The following GSK3B variants were observed in gnomAD, a reference collection of about 807,000 sequenced individuals.
The protein encoded by GSK3B is glycogen synthase kinase-3 beta.
In GSK3B, 15 loss-of-function variants were observed where a neutral mutation model predicts 56.4. The observed-to-expected ratio is 0.27, with a 90% confidence interval of 0.18 to 0.41. The LOEUF (loss-of-function observed/expected upper bound fraction) is 0.41. Ranked by LOEUF, GSK3B falls within the 10% of genes least tolerant of loss-of-function variation. The pLI is 1.00. For missense variants in GSK3B, 300 were observed against 513.4 expected (o/e 0.58, Z 4.02); for synonymous variants, 181 against 188.9 (o/e 0.96, Z 0.34).
At chr3:119,937,191 C>A (rs2057004183) in intron 3 of GSK3B, among the ~76,000 whole-genome samples, 1 of 152,042 alleles carries the variant, frequency 6.6e-6, no homozygotes, top group Non-Finnish European at 1.5e-5. Flanking sequence ...GACTGTTTGT[C>A]CCCCTAAACC....
chr3:119,970,128 T>A (rs1052763541), intron 2 of GSK3B, among the ~76,000 whole-genome samples: 3 of 152,220 alleles, frequency 2.0e-5, no homozygotes, highest in African/African-American at 7.2e-5. Context: ...CTGTGTTGAT[T>A]TATAAACTTT....
At chr3:119,936,661 G>C (rs2056998052) in intron 3 of GSK3B, among the ~76,000 whole-genome samples, 1 of 151,600 alleles carries the variant, frequency 6.6e-6, no homozygotes, top group African/African-American at 2.4e-5. Context: ...GGTATCGTAT[G>C]TTGATTAAAA....
In GSK3B at chr3:119,912,704, C is replaced by A; in HGVS notation, c.715G>T (p.Asp239Tyr). ...FGATDYTSSI[D>Y]VWSAGCVLAE... ...GCATTATATTCAGATTTGTACTTAC[C>A]TATACTAGAGGTATAATCAGTGGCT... Residue 239 changes from aspartate (D) to tyrosine (Y), a missense_variant and splice_region_variant, in exon 6 of 11, where the codon GAT becomes TAT. This residue lies in a region of GSK3B where 39 missense variants were observed against 154.6 expected (regional missense o/e 0.25). Transcript: ENST00000264235. 1 of 1,337,068 alleles carries A rather than the reference C, an allele frequency of 7.5e-7. No individual in the cohort carries two copies. The highest frequency in any genetic ancestry group is 2.3e-5 in the East Asian group (1 of 43,534). 82.8% of individuals were successfully genotyped at this position (1,337,068 alleles called of 1,614,324 possible).
At chr3:119,972,626 G>A (rs1353875019) in intron 2 of GSK3B, among the ~76,000 whole-genome samples, 1 of 151,888 alleles carries the variant, frequency 6.6e-6, no homozygotes, top group African/African-American at 2.4e-5. Flanking sequence ...TAGTAGAGAT[G>A]GGGTTTCACC....
At chr3:119,993,033 GAA>G (rs199737858) in intron 2 of GSK3B, among the ~76,000 whole-genome samples, 7 of 119,366 alleles carry the variant, frequency 5.9e-5, no homozygotes, top group Admixed American at 3.3e-4. Context: ...TAAAAAGGAT[GAA>G]AAAAAAAAAA....
Position 119,948,266 on chromosome 3 carries a change from C to T in GSK3B, c.283-915G>A, listed in dbSNP as rs910473371. ...AGAATCTGGAAAGGAAATGGTGTTACGGTCAGAAAAGAGGCCAAGAAGGAT... is the reference window on the plus strand; with the variant it reads ...AGAATCTGGAAAGGAAATGGTGTTATGGTCAGAAAAGAGGCCAAGAAGGAT... On this transcript the variant is annotated intron_variant, in intron 2 of 10. Coordinates refer to ENST00000264235, the MANE Select transcript of GSK3B (RefSeq NM_001146156.2). Among the ~76,000 whole-genome samples, 4 of 152,090 alleles carry T rather than the reference C, an allele frequency of 2.6e-5. No individual in the cohort carries two copies. In the East Asian group the frequency reaches 5.8e-4, roughly 22 times the overall value.
intron 3 of GSK3B, among the ~76,000 whole-genome samples, chr3:119,940,838 T>C (rs1473060639): frequency 6.6e-6 from 1 of 152,144 alleles, no homozygotes; most frequent in Non-Finnish European, 1.5e-5. Context: ...TAAATCACTC[T>C]ATGGGCAGGT....
chr3:120,037,153 A>C (rs2058030086), intron 1 of GSK3B, among the ~76,000 whole-genome samples: 1 of 152,214 alleles, frequency 6.6e-6, no homozygotes, highest in South Asian at 2.1e-4. Context: ...AAACAAACAA[A>C]AAAATTGCTT....
At position 119,934,821 on chromosome 3, in the gene GSK3B, T is replaced by C. The variant is rs554615996; in HGVS notation, c.367-11338A>G. 1.9e-3 allele frequency among the ~76,000 whole-genome samples: 285 copies of C among 152,258 alleles called. 2 individuals are homozygous for C. The highest frequency in any genetic ancestry group is 0.013 in the South Asian group (65 of 4,830). On this transcript the variant is annotated intron_variant, in intron 3 of 10. Coordinates refer to ENST00000264235, the MANE Select transcript of GSK3B (RefSeq NM_001146156.2). ...TACATATAATATATGTGCTCATACA[T>C]GCATATAAGAAATTTATATCTGTTA...
intron 10 of GSK3B, among the ~76,000 whole-genome samples, chr3:119,836,867 C>G (rs1259672489): frequency 6.6e-6 from 1 of 152,126 alleles, no homozygotes; most frequent in Non-Finnish European, 1.5e-5. Context: ...TCTGCCTTGT[C>G]CTCTTTGATA....
chr3:119,941,970 T>C (rs1161116213), intron 3 of GSK3B, among the ~76,000 whole-genome samples: 1 of 152,204 alleles, frequency 6.6e-6, no homozygotes, highest in East Asian at 1.9e-4. Flanking sequence ...CCAGAGCTAG[T>C]GGTAGACCAG....
intron 1 of GSK3B, among the ~76,000 whole-genome samples, chr3:120,002,675 T>C (rs1442981135): frequency 6.6e-6 from 1 of 152,236 alleles, no homozygotes; most frequent in African/African-American, 2.4e-5. Flanking sequence ...TTATTTTTAG[T>C]TTATTACATG....
intron 1 of GSK3B, among the ~76,000 whole-genome samples, chr3:120,079,969 A>T (rs2058404134): frequency 6.6e-6 from 1 of 152,202 alleles, no homozygotes; most frequent in Admixed American, 6.5e-5. Context: ...TCAAAACCAA[A>T]TACAGAAAGT....
intron 2 of GSK3B, among the ~76,000 whole-genome samples, chr3:119,998,046 C>T (rs1408022001): frequency 6.7e-6 from 1 of 150,132 alleles, no homozygotes; most frequent in East Asian, 1.9e-4. Flanking sequence ...TATACCAAAG[C>T]CCAAATCAAC....
At chr3:120,091,806 T>C (rs2058515019) in intron 1 of GSK3B, among the ~76,000 whole-genome samples, 2 of 151,762 alleles carry the variant, frequency 1.3e-5, no homozygotes, top group Non-Finnish European at 2.9e-5. Flanking sequence ...CCGGGCATTC[T>C]CTACTTGCAA....
At chr3:120,009,140 T>A (rs2107495087) in intron 1 of GSK3B, among the ~76,000 whole-genome samples, 1 of 152,280 alleles carries the variant, frequency 6.6e-6, no homozygotes, top group South Asian at 2.1e-4. Context: ...TGAGATACCA[T>A]CTCATGCCAG....
chr3:119,974,053 G>A (rs2057390793), intron 2 of GSK3B, among the ~76,000 whole-genome samples: 1 of 152,094 alleles, frequency 6.6e-6, no homozygotes, highest in African/African-American at 2.4e-5. Context: ...GGGTTTGGTG[G>A]TGACTTTTAA....
intron 8 of GSK3B, among the ~76,000 whole-genome samples, chr3:119,869,694 T>C (rs760541817): frequency 5.3e-5 from 8 of 152,234 alleles, no homozygotes; most frequent in Non-Finnish European, 1.0e-4. Context: ...CTGTGACTTT[T>C]AGTGAAACGT....
intron 2 of GSK3B, among the ~76,000 whole-genome samples, chr3:119,972,901 C>T (rs2057380355): frequency 6.6e-6 from 1 of 152,086 alleles, no homozygotes; most frequent in African/African-American, 2.4e-5. Flanking sequence ...AAAAGAGCCA[C>T]GTTTGTTACA....
Sources: allele counts gnomAD v4.1 joint callset (sites outside exome capture counted in the v4.1 genomes callset), GRCh38; gene constraint gnomAD v4.1.1; regional missense constraint gnomAD v4.1.1; transcripts MANE v1.5; gene names NCBI Gene and HGNC (gene_info 2026-07-23, HGNC 2026-07-21).